The following LPP variants were observed in gnomAD, a reference collection of about 807,000 sequenced individuals.
LPP encodes LIM domain containing preferred translocation partner in lipoma.
LPP carries 38 observed loss-of-function variants against 60.4 expected under a neutral mutation model. The observed-to-expected ratio is 0.63, with a 90% CI of 0.49 to 0.83. The LOEUF (loss-of-function observed/expected upper bound fraction) is 0.83, where lower values mean the gene tolerates loss of function less well. Ranked by LOEUF, LPP falls within the 40% of genes least tolerant of loss-of-function variation. The pLI is 0.00. For synonymous variants in LPP, 328 were observed against 290.8 expected (o/e 1.13, Z -1.30); for missense variants, 902 against 783.6 (o/e 1.15, Z -1.80).
chr3:188,311,825 G>A (rs1247828588), intron 2 of LPP, among the ~76,000 whole-genome samples: 1 of 151,922 alleles, frequency 6.6e-6, no homozygotes, highest in African/African-American at 2.4e-5. Flanking sequence ...TTTTAGTAGA[G>A]ACAGAGTTTC....
At chr3:188,157,149 A>G (rs922110566) in intron 1 of LPP, among the ~76,000 whole-genome samples, 1 of 152,206 alleles carries the variant, frequency 6.6e-6, no homozygotes, top group Non-Finnish European at 1.5e-5. Flanking sequence ...ATTGTTCATC[A>G]TGTCGTTTAT....
In LPP at chr3:188,403,575, A is replaced by C. The variant is rs1365258; in HGVS notation, c.-9-2537A>C. On this transcript the variant is annotated intron_variant, in intron 3 of 11. Transcript: ENST00000617246. ...TAGTCATACTGAAAGCAAACCAGTC[A>C]CTTTTATCCCAATTTAGTAGAAGAC... Among the ~76,000 whole-genome samples the C allele has an allele frequency of 2.0e-5, 3 of 152,182 alleles. 1 individual carries two copies. The highest frequency in any genetic ancestry group is 4.8e-5 in the African/African-American group (2 of 41,442).
chr3:188,442,932 T>C (rs944076341), intron 4 of LPP, among the ~76,000 whole-genome samples: 1 of 152,210 alleles, frequency 6.6e-6, no homozygotes, highest in Admixed American at 6.5e-5. Context: ...GGAGTCTTTC[T>C]GTTTAAGAGC....
Position 188,837,807 on chromosome 3 carries a change from G to A in LPP, c.1411-28393G>A, listed in dbSNP as rs1460533066. On this transcript the variant is annotated intron_variant, in intron 9 of 11. Transcript: ENST00000617246. ...AGAAATATAAAGGTGTCATTGCCCAGGAGGCAAGAAAGGGAGGCAGAATGG... is the reference window on the plus strand; with the variant it reads ...AGAAATATAAAGGTGTCATTGCCCAAGAGGCAAGAAAGGGAGGCAGAATGG... Among the ~76,000 whole-genome samples the A allele has an allele frequency of 3.3e-5, 5 of 152,270 alleles. No homozygotes were observed. The East Asian group carries it at 9.6e-4, about 29-fold the overall frequency.
At chr3:188,300,036 T>G (rs772158383) in intron 2 of LPP, among the ~76,000 whole-genome samples, 4 of 152,230 alleles carry the variant, frequency 2.6e-5, no homozygotes, top group Non-Finnish European at 5.9e-5. Flanking sequence ...AGACATTTCT[T>G]TTTCAATTAT....
intron 8 of LPP, chr3:188,710,385 C>G (rs868568505): frequency 6.6e-6 from 1 of 152,174 alleles, no homozygotes; most frequent in Non-Finnish European, 1.5e-5. Flanking sequence ...GCCCCATTTC[C>G]CACCTCACTA....
intron 1 of LPP, chr3:188,180,362 G>T (rs1264863572): frequency 6.5e-6 from 1 of 154,692 alleles, no homozygotes; most frequent in Non-Finnish European, 1.5e-5. Flanking sequence ...TACTCTGAGT[G>T]TGTCCCTGGT....
In LPP at chr3:188,311,748, C is replaced by T. The variant is rs752705591; in HGVS notation, c.-66-29915C>T. ...CCATGTCCCGAATTCAAGCGATTCT[C>T]CTGCCTCAGCCTTCTGAGTAGCTGG... On this transcript the variant is annotated intron_variant, in intron 2 of 11. Transcript: ENST00000617246. Among the ~76,000 whole-genome samples, 5 of 152,010 alleles carry T rather than the reference C, an allele frequency of 3.3e-5. No homozygotes were observed. The South Asian group carries it at 8.3e-4, about 25-fold the overall frequency.
At chr3:188,587,019 G>A (rs896699573) in intron 6 of LPP, among the ~76,000 whole-genome samples, 15 of 151,734 alleles carry the variant, frequency 9.9e-5, no homozygotes, top group Admixed American at 7.9e-4. Flanking sequence ...GTGAGCCACC[G>A]CGCTTGCCCC....
At chr3:188,288,838 C>G (rs1560204547) in intron 2 of LPP, among the ~76,000 whole-genome samples, 1 of 131,968 alleles carries the variant, frequency 7.6e-6, no homozygotes, top group African/African-American at 2.7e-5. Flanking sequence ...CCCACCCCCC[C>G]GCCCCTCTAG....
intron 6 of LPP, among the ~76,000 whole-genome samples, chr3:188,532,084 G>T (rs779106844): frequency 6.6e-6 from 1 of 152,014 alleles, no homozygotes; most frequent in Non-Finnish European, 1.5e-5. Flanking sequence ...GTTGATGTAT[G>T]AAAAAAACCC....
At chr3:188,368,707 CACACACACACACAG>C (rs1426173218) in intron 3 of LPP, among the ~76,000 whole-genome samples, 10 of 123,096 alleles carry the variant, frequency 8.1e-5, no homozygotes, top group African/African-American at 8.5e-5. Flanking sequence ...CACACACACA[CACACACACACACAG>C]AGAGAGAGAG....
At chr3:188,791,519 A>G (rs1013135709) in intron 9 of LPP, among the ~76,000 whole-genome samples, 1 of 150,462 alleles carries the variant, frequency 6.6e-6, no homozygotes, top group African/African-American at 2.4e-5. Flanking sequence ...CAATTAAGTG[A>G]CTGAGATGAA....
At chr3:188,288,392 C>T (rs971308850) in intron 2 of LPP, among the ~76,000 whole-genome samples, 17 of 152,140 alleles carry the variant, frequency 1.1e-4, no homozygotes, top group African/African-American at 4.1e-4. Context: ...ACACCAGTCC[C>T]GTGAGGTCTC....
chr3:188,663,102 A>G (rs954976932), intron 7 of LPP, among the ~76,000 whole-genome samples: 2 of 152,210 alleles, frequency 1.3e-5, no homozygotes, highest in Non-Finnish European at 2.9e-5. Flanking sequence ...AGTGGGGAGA[A>G]AAACAAACAA....
At chr3:188,597,522 A>G (rs1175849376) in intron 6 of LPP, among the ~76,000 whole-genome samples, 1 of 152,126 alleles carries the variant, frequency 6.6e-6, no homozygotes, top group African/African-American at 2.4e-5. Flanking sequence ...AGTTGATTAT[A>G]ACCAAAAACT....
chr3:188,812,760 ACT>A (rs1358207967), intron 9 of LPP, among the ~76,000 whole-genome samples: 1 of 120,690 alleles, frequency 8.3e-6, no homozygotes, highest in Non-Finnish European at 1.7e-5. Context: ...AGCTAATTAT[ACT>A]CTCTCACTCT....
intron 9 of LPP, 63 bp from the exon 10 acceptor site, chr3:188,866,137 C>T (rs1443362164): frequency 7.8e-7 from 1 of 1,284,378 alleles, no homozygotes; most frequent in Non-Finnish European, 1.0e-6. Context: ...TGTAAAGATG[C>T]CTGTCATGCA....
intron 4 of LPP, among the ~76,000 whole-genome samples, chr3:188,473,230 A>G (rs1254772395): frequency 6.6e-6 from 1 of 152,200 alleles, no homozygotes; most frequent in African/African-American, 2.4e-5. Flanking sequence ...AAGTATTGAC[A>G]TCTTACATAA....
Sources: allele counts gnomAD v4.1 joint callset (sites outside exome capture counted in the v4.1 genomes callset), GRCh38; gene constraint gnomAD v4.1.1; transcripts MANE v1.5; gene names NCBI Gene and HGNC (gene_info 2026-07-23, HGNC 2026-07-21).